OPCML: variants seen among roughly 807,000 people sequenced by gnomAD.
The protein encoded by OPCML is opioid-binding protein/cell adhesion molecule.
OPCML carries 13 observed loss-of-function variants against 37.8 expected under a neutral mutation model. That is an observed-to-expected ratio of 0.34 (90% CI 0.22 to 0.55). The LOEUF (loss-of-function observed/expected upper bound fraction) is 0.55. OPCML is among the 20% of genes least tolerant of loss of function. The probability of loss-of-function intolerance (pLI) is 0.91; values close to 1 mark genes in which losing one functional copy is unlikely to be tolerated. For missense variants in OPCML, 341 were observed against 435.6 expected, an observed-to-expected ratio of 0.78 and a Z score of 1.93; for synonymous variants, 176 against 168.8, an observed-to-expected ratio of 1.04 and a Z score of -0.33.
intron 1 of OPCML, among the ~76,000 whole-genome samples, chr11:132,980,289 T>C (rs1284399489): frequency 6.6e-6 from 1 of 152,200 alleles, no homozygotes; most frequent in Non-Finnish European, 1.5e-5. Context: ...AGATGTACAA[T>C]ATCAGCAAAA....
intron 1 of OPCML, among the ~76,000 whole-genome samples, chr11:133,016,437 G>A (rs1385544318): frequency 1.3e-5 from 2 of 152,180 alleles, no homozygotes; most frequent in East Asian, 1.9e-4. Context: ...AGCCAGCAAA[G>A]GCCTGTCAAT....
chr11:132,435,461 T>C (rs1180060285), intron 7 of OPCML, among the ~76,000 whole-genome samples: 1 of 152,230 alleles, frequency 6.6e-6, no homozygotes. Context: ...TGTGAAATGT[T>C]GCAGAAGGAT....
intron 7 of OPCML, among the ~76,000 whole-genome samples, chr11:132,431,311 G>T (rs545287091): frequency 6.6e-6 from 1 of 152,172 alleles, no homozygotes; most frequent in African/African-American, 2.4e-5. Flanking sequence ...TCTGTTTTAC[G>T]CATGACTTAG....
intron 1 of OPCML, chr11:133,026,247 T>C (rs1947552106): frequency 1.6e-6 from 1 of 640,582 alleles, no homozygotes; most frequent in Non-Finnish European, 1.9e-6. Flanking sequence ...GAGTTCCGCC[T>C]CTTTGCACTC....
intron 4 of OPCML, among the ~76,000 whole-genome samples, chr11:132,521,729 C>A (rs1307936819): frequency 1.4e-4 from 21 of 151,996 alleles, no homozygotes; most frequent in Non-Finnish European, 4.4e-5. Context: ...ACCTATGTAA[C>A]AAACCTGCAC....
chr11:132,634,031 T>C (rs1050477626), intron 3 of OPCML, among the ~76,000 whole-genome samples: 3 of 152,140 alleles, frequency 2.0e-5, no homozygotes, highest in Non-Finnish European at 2.9e-5. Flanking sequence ...CAGGCAAGCA[T>C]ACAGACACAG....
intron 3 of OPCML, among the ~76,000 whole-genome samples, chr11:132,564,130 T>C (rs1274436430): frequency 6.6e-6 from 1 of 152,220 alleles, no homozygotes; most frequent in South Asian, 2.1e-4. Context: ...TGACGCCTGC[T>C]CTCCCGATTG....
At chr11:132,688,076 G>A (rs1172622988) in intron 2 of OPCML, among the ~76,000 whole-genome samples, 1 of 152,022 alleles carries the variant, frequency 6.6e-6, no homozygotes, top group Non-Finnish European at 1.5e-5. Context: ...TTTAGCAGAA[G>A]GGACATTTGC....
chr11:133,437,481 A>G (rs1410409033), intron 1 of OPCML, among the ~76,000 whole-genome samples: 1 of 152,108 alleles, frequency 6.6e-6, no homozygotes, highest in Non-Finnish European at 1.5e-5. Context: ...ACAGAAGACA[A>G]TTAGGGTCTG....
intron 2 of OPCML, among the ~76,000 whole-genome samples, chr11:132,773,959 G>C (rs1029120022): frequency 6.6e-6 from 1 of 152,182 alleles, no homozygotes; most frequent in Non-Finnish European, 1.5e-5. Flanking sequence ...AAGAGAGAGA[G>C]AGAAAAGGCT....
chr11:133,074,939 G>T (rs961974453), intron 1 of OPCML, among the ~76,000 whole-genome samples: 6 of 152,124 alleles, frequency 3.9e-5, no homozygotes, highest in Non-Finnish European at 8.8e-5. Context: ...ACCCCTGTCT[G>T]TCCACCATCA....
intron 1 of OPCML, among the ~76,000 whole-genome samples, chr11:133,136,951 C>T (rs1488275645): frequency 6.6e-6 from 1 of 150,840 alleles, no homozygotes; most frequent in African/African-American, 2.4e-5. Flanking sequence ...GAATGGTCAT[C>T]AGAAGTCTAC....
Position 133,174,260 on chromosome 11 carries a change from G to A in OPCML, c.62-231250C>T, listed in dbSNP as rs899685468. On this transcript the variant is annotated intron_variant, in intron 1 of 7. Coordinates refer to ENST00000524381, the MANE Select transcript of OPCML (RefSeq NM_001012393.5). The surrounding 1 kb of genome is among the most constrained non-coding windows in gnomAD (Gnocchi z 4.6). ...ACTCCTAGAAGGCGAAGCATGATTA[G>A]AACCAAGCCTTCCTGCCAAACGTAG... is the stretch of plus-strand genomic sequence containing the variant. Among the ~76,000 whole-genome samples the A allele has an allele frequency of 6.6e-6, 1 of 152,156 alleles. No homozygotes were observed. The highest frequency in any genetic ancestry group is 1.5e-5 in the Non-Finnish European group (1 of 68,028).
intron 1 of OPCML, among the ~76,000 whole-genome samples, chr11:133,031,414 G>A (rs1452576056): frequency 6.6e-6 from 1 of 151,262 alleles, no homozygotes; most frequent in Non-Finnish European, 1.5e-5. Context: ...TAGGTGAATG[G>A]ATGGATGGAT....
At chr11:132,824,657 C>A (rs1207877989) in intron 2 of OPCML, among the ~76,000 whole-genome samples, 1 of 152,216 alleles carries the variant, frequency 6.6e-6, no homozygotes, top group Non-Finnish European at 1.5e-5. Flanking sequence ...TATTGTTTAA[C>A]CTGTGTGTTC....
intron 1 of OPCML, among the ~76,000 whole-genome samples, chr11:133,374,949 A>C (rs1944765099): frequency 1.3e-5 from 2 of 152,212 alleles, no homozygotes; most frequent in Non-Finnish European, 2.9e-5. Context: ...TTCATCTGGA[A>C]GGTGGTATAC....
chr11:133,469,357 G>C (rs1947052213), intron 1 of OPCML, among the ~76,000 whole-genome samples: 1 of 152,166 alleles, frequency 6.6e-6, no homozygotes, highest in Non-Finnish European at 1.5e-5. Context: ...GACATGCTGT[G>C]CAGCTGTGTA....
Position 133,399,203 on chromosome 11 carries a change from C to T in OPCML, c.61+133061G>A, listed in dbSNP as rs377396456. Among the ~76,000 whole-genome samples, 8 of 152,132 alleles carry T rather than the reference C, an allele frequency of 5.3e-5. No individual in the cohort carries two copies. In the East Asian group the frequency reaches 1.4e-3, roughly 26 times the overall value. On this transcript the variant is annotated intron_variant, in intron 1 of 7. Transcript: ENST00000524381. ...GAAAAAAGGACAAAAGGAAAAATAT[C>T]CTCTATTTTTAACTTGTGAATTTTT... is the stretch of plus-strand genomic sequence containing the variant.
At chr11:132,459,223 C>T (rs1381955286) in intron 4 of OPCML, among the ~76,000 whole-genome samples, 1 of 152,074 alleles carries the variant, frequency 6.6e-6, no homozygotes, top group Non-Finnish European at 1.5e-5. Flanking sequence ...CTCAGGCCTT[C>T]AGGCTGTCAG....
Sources: gnomAD v4.1 joint callset for allele counts (sites outside exome capture counted in the v4.1 genomes callset) on GRCh38, gnomAD v4.1.1 for gene constraint, Gnocchi (gnomAD v3.1) non-coding constraint, MANE v1.5 for transcripts, NCBI Gene and HGNC (gene_info 2026-07-23, HGNC 2026-07-21) for gene names.